Variants in POLD3 observed in about 807,000 individuals in gnomAD.
POLD3 encodes DNA polymerase delta subunit 3.
Under a neutral mutation model 58.2 loss-of-function variants are expected in POLD3, and 19 were observed. That is an observed-to-expected ratio of 0.33 (90% CI 0.23 to 0.48). The LOEUF is 0.48. Ranked by LOEUF, POLD3 falls within the 20% of genes least tolerant of loss-of-function variation. The pLI is 0.99. For missense variants in POLD3, 504 were observed against 545.5 expected (o/e 0.92, Z 0.76); for synonymous variants, 172 against 193.5 (o/e 0.89, Z 0.92).
In POLD3 at chr11:74,612,935, C is replaced by G. The variant is rs750471959; in HGVS notation, c.317C>G (p.Ala106Gly). The G allele has an allele frequency of 3.1e-6, 5 of 1,613,302 alleles. No individual in the cohort carries two copies. The highest frequency in any genetic ancestry group is 4.2e-6 in the Non-Finnish European group (5 of 1,179,254). ...ATCCATGTGTACAGCATCCAGAAAG[C>G]CATGCTAAAGGACAGTGGGCCTCTG... ...ASIHVYSIQK[A>G]MLKDSGPLFN... is the part of the protein sequence containing the mutation. The change falls in exon 5 of 12, where the codon GCC becomes GGC. Residue 106 changes from alanine (A) to glycine (G), a missense_variant. This residue lies in a region of POLD3 where 119 missense variants were observed against 175.0 expected (regional missense o/e 0.68). Transcript: ENST00000263681.
rs750951718 is a variant in POLD3, at chr11:74,611,530, A to C, written c.251A>C (p.Lys84Thr). ...CHKVAVVRED[K>T]LEAVKSKLAV... is the part of the protein sequence containing the mutation. ...AAGGTTGCAGTAGTGAGAGAAGATA[A>C]ATTGGAAGGTAAGTGTTTTAGTGAC... The change falls in exon 4 of 12, where the codon AAA becomes ACA. Residue 84 changes from lysine to threonine, a missense_variant. By Grantham distance (78) the Lys-to-Thr change is moderately conservative. This residue lies in a region of POLD3 where 119 missense variants were observed against 175.0 expected (regional missense o/e 0.68). Coordinates refer to ENST00000263681, the MANE Select transcript of POLD3 (RefSeq NM_006591.3). 6.4e-7 allele frequency: 1 copy of C among 1,565,806 alleles called. No individual in the cohort carries two copies. Among genetic ancestry groups the C allele is most frequent in the Admixed American group, 1.9e-5 (1 of 53,978 alleles).
At chr11:74,598,626 C>T (rs1309976558) in intron 2 of POLD3, among the ~76,000 whole-genome samples, 1 of 152,140 alleles carries the variant, frequency 6.6e-6, no homozygotes, top group African/African-American at 2.4e-5. Context: ...CATCTTTATG[C>T]ACATGTCTGG....
intron 8 of POLD3, among the ~76,000 whole-genome samples, chr11:74,626,434 G>C (rs1192520178): frequency 6.6e-6 from 1 of 152,152 alleles, no homozygotes; most frequent in Non-Finnish European, 1.5e-5. Flanking sequence ...AGTCTGCTAA[G>C]AGGTTTTATC....
intron 2 of POLD3, among the ~76,000 whole-genome samples, chr11:74,604,300 G>A (rs1195480683): frequency 6.6e-6 from 1 of 152,142 alleles, no homozygotes; most frequent in South Asian, 2.1e-4. Flanking sequence ...TCCTGTTTAC[G>A]CCTTGGGATA....
chr11:74,636,415 C>A, intron 11 of POLD3, 140 bp downstream of exon 11: 1 of 749,220 alleles, frequency 1.3e-6, no homozygotes, highest in Non-Finnish European at 2.2e-6. Flanking sequence ...TGCTGTTTGT[C>A]TATGGCATAC....
chr11:74,634,713 T>C lies in POLD3; in HGVS notation c.1119+18T>C, dbSNP rs757201413. On this transcript the variant is annotated intron_variant, in intron 10 of 11. Transcript: ENST00000263681. ...CTGTCAAGGTAAAATTATACTGGGA[T>C]TCTTGCATGTCCATGCATCCTTTGT... 3 of 1,359,066 alleles carry C rather than the reference T, an allele frequency of 2.2e-6. No individual in the cohort carries two copies. The highest frequency in any genetic ancestry group is 3.2e-6 in the Non-Finnish European group (3 of 947,440). 84.2% of individuals were successfully genotyped at this position (1,359,066 alleles called of 1,614,324 possible).
intron 6 of POLD3, among the ~76,000 whole-genome samples, chr11:74,619,525 T>C (rs1324304178): frequency 3.3e-5 from 5 of 152,298 alleles, no homozygotes; most frequent in African/African-American, 4.8e-5. Context: ...AATCCTCTTA[T>C]CAGTTCTGTG....
chr11:74,616,012 T>A (rs2032069545), intron 5 of POLD3, among the ~76,000 whole-genome samples: 2 of 152,154 alleles, frequency 1.3e-5, no homozygotes, highest in African/African-American at 4.8e-5. Context: ...CAAGAAAATA[T>A]TAACACCCTG....
At chr11:74,651,792 G>C (rs2033071677) in intron 4 of POLD3, among the ~76,000 whole-genome samples, 1 of 152,158 alleles carries the variant, frequency 6.6e-6, no homozygotes, top group Admixed American at 6.5e-5. Flanking sequence ...AGAGAGGGAG[G>C]CTGGGCCAGA....
intron 2 of POLD3, among the ~76,000 whole-genome samples, chr11:74,601,323 T>C (rs1428587811): frequency 6.6e-6 from 1 of 152,164 alleles, no homozygotes; most frequent in Non-Finnish European, 1.5e-5. Flanking sequence ...AAAGAAACAT[T>C]AGAGGGCAAA....
chr11:74,646,373 T>C (rs1325798741), downstream of POLD3, among the ~76,000 whole-genome samples: 3 of 152,240 alleles, frequency 2.0e-5, no homozygotes, highest in African/African-American at 7.2e-5. Context: ...ACCTCTTATC[T>C]GATGTCTGCA....
intron 4 of POLD3, among the ~76,000 whole-genome samples, chr11:74,657,509 C>T (rs2033151582): frequency 1.3e-5 from 1 of 76,944 alleles, no homozygotes; most frequent in African/African-American, 5.1e-5. Context: ...GACAACTTAA[C>T]ACTGATTGCA....
chr11:74,607,209 A>G (rs1252594737), intron 3 of POLD3, among the ~76,000 whole-genome samples: 1 of 150,056 alleles, frequency 6.7e-6, no homozygotes, highest in East Asian at 1.9e-4. Flanking sequence ...AAAAGACATT[A>G]CGCAGCTTTG....
chr11:74,630,521 C>T (rs530987871), intron 9 of POLD3, among the ~76,000 whole-genome samples: 8 of 152,248 alleles, frequency 5.3e-5, no homozygotes, highest in East Asian at 1.9e-4. Context: ...AATGTCCTTC[C>T]GTGGGTTTTA....
At chr11:74,612,422 T>C (rs924650726) in intron 4 of POLD3, among the ~76,000 whole-genome samples, 3 of 152,210 alleles carry the variant, frequency 2.0e-5, no homozygotes, top group African/African-American at 4.8e-5. Context: ...TGGTGTTCTT[T>C]TGTGTTTCTC....
intron 7 of POLD3, among the ~76,000 whole-genome samples, chr11:74,624,901 C>G (rs1644948965): frequency 6.6e-6 from 1 of 152,040 alleles, no homozygotes; most frequent in Non-Finnish European, 1.5e-5. Flanking sequence ...AAATAACTTG[C>G]CCAGAGTGAA....
chr11:74,626,843 A>G (rs2032446852), intron 8 of POLD3, among the ~76,000 whole-genome samples: 1 of 152,172 alleles, frequency 6.6e-6, no homozygotes, highest in Non-Finnish European at 1.5e-5. Flanking sequence ...CCCATTGCCT[A>G]GTGACATCAT....
intron 1 of POLD3, 78 bp from the exon 2 acceptor site, chr11:74,593,983 T>TGGGC: frequency 1.3e-6 from 1 of 770,010 alleles, no homozygotes; most frequent in Non-Finnish European, 2.3e-6. Context: ...ATAGGAATCT[T>TGGGC]TAGCAACAGA....
intron 4 of POLD3, among the ~76,000 whole-genome samples, chr11:74,666,462 A>C (rs1050404040): frequency 2.0e-5 from 3 of 152,174 alleles, no homozygotes; most frequent in Non-Finnish European, 4.4e-5. Flanking sequence ...CTCTACTAAA[A>C]ATACAAAAAT....
Sources: gnomAD v4.1 joint callset for allele counts (sites outside exome capture counted in the v4.1 genomes callset) on GRCh38, gnomAD v4.1.1 for gene constraint, gnomAD v4.1.1 regional missense constraint, MANE v1.5 for transcripts, NCBI Gene and HGNC (gene_info 2026-07-23, HGNC 2026-07-21) for gene names.